The following PPFIBP1 variants were observed in gnomAD, a reference collection of about 807,000 sequenced individuals.
PPFIBP1 encodes the protein PPFIB scaffold protein 1, also known as liprin-beta-1.
Under a neutral mutation model 137.8 loss-of-function variants are expected in PPFIBP1, and 112 were observed. The ratio of observed to expected loss-of-function variants is 0.81; its 90% CI spans 0.70 to 0.95. PPFIBP1 has a LOEUF of 0.95. PPFIBP1 is among the 40% of genes least tolerant of loss of function. PPFIBP1 has a pLI of 0.00. For missense variants in PPFIBP1, 1,083 were observed against 1,196.6 expected (o/e 0.91, Z 1.40); for synonymous variants, 378 against 417.3 (o/e 0.91, Z 1.15).
At chr12:27,614,657 C>A (rs941857708) in intron 2 of PPFIBP1, among the ~76,000 whole-genome samples, 1 of 152,124 alleles carries the variant, frequency 6.6e-6, no homozygotes, top group Admixed American at 6.5e-5. Flanking sequence ...TCTACTCATT[C>A]TCTGTCAGGT....
chr12:27,534,281 G>T (rs1944731627), intron 1 of PPFIBP1, among the ~76,000 whole-genome samples: 1 of 151,972 alleles, frequency 6.6e-6, no homozygotes, highest in South Asian at 2.1e-4. Context: ...AGAGGATAGG[G>T]GAAATGGAAA....
chr12:27,587,373 G>T (rs2051891037), intron 2 of PPFIBP1, among the ~76,000 whole-genome samples: 3 of 152,040 alleles, frequency 2.0e-5, no homozygotes, highest in African/African-American at 7.2e-5. Context: ...TGTAATCCCA[G>T]CACTTTGGGA....
At chr12:27,647,189 T>C (rs149123157) in intron 5 of PPFIBP1, among the ~76,000 whole-genome samples, 5 of 152,084 alleles carry the variant, frequency 3.3e-5, no homozygotes, top group African/African-American at 4.8e-5. Context: ...TTAGTAGAGA[T>C]GGGGTTTCAC....
At position 27,693,102 on chromosome 12, in the gene PPFIBP1, T is replaced by C. The variant is rs2061649055; in HGVS notation, c.*220T>C. 1 of 543,472 alleles carries C rather than the reference T, an allele frequency of 1.8e-6. No homozygotes were observed. The highest frequency in any genetic ancestry group is 1.9e-5 in the African/African-American group (1 of 52,120). The allele number at this position is 543,472 out of a possible 1,614,324, so 33.7% of individuals were successfully genotyped here. A position where few individuals can be genotyped will look rare whatever the true frequency, so the allele number is the denominator to read the frequency against. ...TGAGAGTATAATTGTTTTTCTTCTA[T>C]TTAATGTAAAAATCTGTGATATATT... is the stretch of plus-strand genomic sequence containing the variant. On this transcript the variant is annotated 3_prime_UTR_variant, in exon 30 of 30. Coordinates refer to ENST00000228425, the MANE Select transcript of PPFIBP1 (RefSeq NM_003622.4).
chr12:27,612,032 C>T (rs538168731), intron 2 of PPFIBP1, among the ~76,000 whole-genome samples: 1 of 152,170 alleles, frequency 6.6e-6, no homozygotes, highest in Non-Finnish European at 1.5e-5. Flanking sequence ...TCTTGCATAT[C>T]CTTCATTTTC....
intron 2 of PPFIBP1, among the ~76,000 whole-genome samples, chr12:27,623,304 A>G (rs897091229): frequency 1.6e-4 from 24 of 152,318 alleles, no homozygotes; most frequent in African/African-American, 5.5e-4. Context: ...AGTACAATGA[A>G]TTTGATTCGC....
At chr12:27,530,221 A>G (rs1944262814) in intron 1 of PPFIBP1, among the ~76,000 whole-genome samples, 1 of 152,238 alleles carries the variant, frequency 6.6e-6, no homozygotes, top group Non-Finnish European at 1.5e-5. Flanking sequence ...TGGAATTTGA[A>G]TACATCTACT....
intron 2 of PPFIBP1, among the ~76,000 whole-genome samples, chr12:27,609,770 C>G (rs368120009): frequency 1.2e-4 from 19 of 152,252 alleles, no homozygotes; most frequent in African/African-American, 4.6e-4. Flanking sequence ...CACTCCAGTC[C>G]CACTGACTGT....
chr12:27,574,077 G>T (rs145317376), intron 1 of PPFIBP1, among the ~76,000 whole-genome samples: 1 of 151,710 alleles, frequency 6.6e-6, no homozygotes, highest in Non-Finnish European at 1.5e-5. Context: ...GTTTTCTCTC[G>T]ATTTATTTGG....
chr12:27,526,216 C>T (rs186567257), intron 1 of PPFIBP1, among the ~76,000 whole-genome samples: 6 of 152,236 alleles, frequency 3.9e-5, no homozygotes, highest in East Asian at 3.9e-4. Context: ...AAAAGCCAGA[C>T]GGTTCAGTAA....
chr12:27,649,889 A>G, intron 6 of PPFIBP1, 121 bp from the exon 7 acceptor site: 1 of 917,446 alleles, frequency 1.1e-6, no homozygotes, highest in Non-Finnish European at 1.6e-6. Context: ...TAGATTCAGT[A>G]ATTATACTTC....
chr12:27,618,095 G>A (rs1156947623), intron 2 of PPFIBP1, among the ~76,000 whole-genome samples: 1 of 152,212 alleles, frequency 6.6e-6, no homozygotes. Flanking sequence ...AAGAGTCAGA[G>A]TCTAACAAGT....
intron 2 of PPFIBP1, among the ~76,000 whole-genome samples, chr12:27,614,268 A>G (rs532173621): frequency 6.6e-5 from 10 of 152,278 alleles, no homozygotes; most frequent in Non-Finnish European, 1.5e-4. Context: ...GATTCCAGCT[A>G]CTTGGGAAGC....
At chr12:27,637,180 G>A (rs527923429) in intron 4 of PPFIBP1, 6 of 152,192 alleles carry the variant, frequency 3.9e-5, no homozygotes, top group Non-Finnish European at 8.8e-5. Flanking sequence ...CAATTGGAAT[G>A]TAAGCATCAG....
intron 11 of PPFIBP1, among the ~76,000 whole-genome samples, chr12:27,662,613 GT>G (rs899607334): frequency 1.4e-4 from 22 of 152,172 alleles, no homozygotes; most frequent in African/African-American, 5.1e-4. Context: ...AAAATTTCTG[GT>G]TTGGGCAATT....
At chr12:27,541,820 T>C (rs2136020127) in intron 1 of PPFIBP1, among the ~76,000 whole-genome samples, 1 of 152,292 alleles carries the variant, frequency 6.6e-6, no homozygotes, top group Non-Finnish European at 1.5e-5. Context: ...AATAGATGCA[T>C]CATTAAAATC....
At chr12:27,609,705 T>C (rs1036905606) in intron 2 of PPFIBP1, among the ~76,000 whole-genome samples, 1 of 152,188 alleles carries the variant, frequency 6.6e-6, no homozygotes, top group African/African-American at 2.4e-5. Flanking sequence ...CTGCATGACA[T>C]GGCCTCACCC....
At chr12:27,622,818 A>G (rs2056459996) in intron 2 of PPFIBP1, among the ~76,000 whole-genome samples, 1 of 152,216 alleles carries the variant, frequency 6.6e-6, no homozygotes, top group South Asian at 2.1e-4. Flanking sequence ...TTTTCACACG[A>G]TAATGCTTAA....
intron 2 of PPFIBP1, among the ~76,000 whole-genome samples, chr12:27,607,433 T>C (rs1193606477): frequency 2.0e-5 from 3 of 152,240 alleles, no homozygotes; most frequent in Non-Finnish European, 4.4e-5. Flanking sequence ...GAAAATTGAC[T>C]ATGACAATTA....
Sources: allele counts gnomAD v4.1 joint callset (sites outside exome capture counted in the v4.1 genomes callset), GRCh38; gene constraint gnomAD v4.1.1; transcripts MANE v1.5; gene names NCBI Gene and HGNC (gene_info 2026-07-23, HGNC 2026-07-21).